The following ARL6IP6 variants were observed in gnomAD, a reference collection of about 807,000 sequenced individuals.
ARL6IP6 encodes ADP-ribosylation factor-like protein 6-interacting protein 6.
In ARL6IP6, 22 loss-of-function variants were observed where a neutral mutation model predicts 21.5. That is an observed-to-expected ratio of 1.02 (90% CI 0.73 to 1.46). The LOEUF is 1.46. ARL6IP6 is among the 40% of genes most tolerant of loss of function. ARL6IP6 has a pLI of 0.00. For synonymous variants in ARL6IP6, 164 were observed against 125.3 expected (o/e 1.31, Z -2.06); for missense variants, 388 against 299.8 (o/e 1.29, Z -2.17).
intron 1 of ARL6IP6, 87 bp downstream of exon 1, chr2:152,719,111 G>C (rs1198522507): frequency 3.6e-6 from 5 of 1,386,562 alleles, no homozygotes; most frequent in Non-Finnish European, 4.7e-6. Flanking sequence ...CCTTTCCCTC[G>C]CGCTAAGCCC....
intron 3 of ARL6IP6, among the ~76,000 whole-genome samples, chr2:152,745,335 C>T (rs1165875941): frequency 1.3e-5 from 2 of 152,150 alleles, no homozygotes; most frequent in Admixed American, 6.5e-5. Flanking sequence ...AAATTTCCAG[C>T]AGCACTCAGT....
At chr2:152,728,275 AC>A (rs1479047695) in intron 2 of ARL6IP6, among the ~76,000 whole-genome samples, 1 of 152,206 alleles carries the variant, frequency 6.6e-6, no homozygotes, top group Non-Finnish European at 1.5e-5. Context: ...GTATACAGTC[AC>A]GTTTAATCCC....
intron 3 of ARL6IP6, among the ~76,000 whole-genome samples, chr2:152,755,362 CCTGACATCCGT>C (rs1701534678): frequency 6.6e-6 from 1 of 152,030 alleles, no homozygotes; most frequent in African/African-American, 2.4e-5. Flanking sequence ...TTGTGGAGGG[CCTGACATCCGT>C]CAGGCCCGCC....
Position 152,723,365 on chromosome 2 carries a change from A to C in ARL6IP6, c.454+2779A>C, listed in dbSNP as rs546656829. ...ATTTATTTTGCCCTGTTTATTAGGA[A>C]CCTCGTAGCCAAATGTAATAATGTT... On this transcript the variant is annotated intron_variant, in intron 2 of 3. Transcript: ENST00000326446. Among the ~76,000 whole-genome samples the C allele has an allele frequency of 9.7e-4, 147 of 152,258 alleles. 1 individual carries two copies. Among genetic ancestry groups the C allele is most frequent in the Non-Finnish European group, 1.8e-3 (120 of 67,990 alleles).
chr2:152,741,727 T>C (rs1700817924), intron 3 of ARL6IP6, among the ~76,000 whole-genome samples: 1 of 152,204 alleles, frequency 6.6e-6, no homozygotes, highest in Non-Finnish European at 1.5e-5. Flanking sequence ...TAGAGAACTT[T>C]GCAAGATATA....
At chr2:152,724,918 G>A (rs1699967939) in intron 2 of ARL6IP6, among the ~76,000 whole-genome samples, 1 of 151,846 alleles carries the variant, frequency 6.6e-6, no homozygotes, top group Non-Finnish European at 1.5e-5. Flanking sequence ...GCAAAAAAAC[G>A]AAGACCCTGG....
At chr2:152,756,025 T>G (rs1217750115) in intron 3 of ARL6IP6, among the ~76,000 whole-genome samples, 1 of 152,220 alleles carries the variant, frequency 6.6e-6, no homozygotes, top group Non-Finnish European at 1.5e-5. Flanking sequence ...AATATTTACC[T>G]CCATTTTATG....
intron 3 of ARL6IP6, among the ~76,000 whole-genome samples, chr2:152,753,376 C>T (rs868352500): frequency 3.8e-4 from 58 of 152,188 alleles, no homozygotes; most frequent in African/African-American, 5.8e-4. Flanking sequence ...CACATACATA[C>T]GCTCAGAAAC....
chr2:152,717,860 G>A, upstream of ARL6IP6: 3 of 1,087,072 alleles, frequency 2.8e-6, no homozygotes, highest in South Asian at 4.9e-5. Context: ...GGTGGAGGGG[G>A]CGGGGGTAAG....
chr2:152,727,595 G>A (rs1700103699), intron 2 of ARL6IP6, among the ~76,000 whole-genome samples: 1 of 152,086 alleles, frequency 6.6e-6, no homozygotes, highest in Non-Finnish European at 1.5e-5. Context: ...CCCTATACAG[G>A]TGTACCATAT....
At position 152,718,715 on chromosome 2, in the gene ARL6IP6, T is replaced by C. The variant is rs747559308; in HGVS notation, c.91T>C (p.Phe31Leu). ...TGTGGCTCGGCCATCGTATTCCTCC[T>C]TTACTCAGGGGGACAGCTGGGGTGA... ...GPVARPSYSS[F>L]TQGDSWGEGE... The change falls in exon 1 of 4, where the codon TTT (phenylalanine) becomes CTT (leucine). Residue 31 changes from phenylalanine to leucine, a missense_variant. By Grantham distance (22) the Phe-to-Leu change is conservative (BLOSUM62 0). Transcript: ENST00000326446. 1 of 1,609,006 alleles carries C rather than the reference T, an allele frequency of 6.2e-7. No homozygotes were observed. Among genetic ancestry groups the C allele is most frequent in the Non-Finnish European group, 8.5e-7 (1 of 1,177,658 alleles).
rs746863004 is a variant in ARL6IP6, at chr2:152,759,745, A to G, written c.588-2A>G. On this transcript the variant is annotated splice_acceptor_variant, in intron 3 of 3. Transcript: ENST00000326446. LOFTEE classifies it high-confidence loss of function. ...TTGATTTGTGTTTTTCTTTTTTTCTAGGAAACTGACTGGACATTCTTTCCA... is the reference window on the plus strand; with the variant it reads ...TTGATTTGTGTTTTTCTTTTTTTCTGGGAAACTGACTGGACATTCTTTCCA... 4 of 1,611,000 alleles carry G rather than the reference A, an allele frequency of 2.5e-6. No individual in the cohort carries two copies. Among genetic ancestry groups the G allele is most frequent in the East Asian group, 2.2e-5 (1 of 44,820 alleles).
rs1428712469 is a variant in ARL6IP6 at position 152,718,775 on chromosome 2, G to C, written c.151G>C (p.Val51Leu). The change falls in exon 1 of 4, where the codon GTG (valine) becomes CTG (leucine). Residue 51 changes from valine to leucine, a missense_variant. Val to Leu is a conservative substitution (Grantham distance 32, BLOSUM62 1). Coordinates refer to ENST00000326446, the MANE Select transcript of ARL6IP6 (RefSeq NM_152522.7). ...CGACGAGGAGGAGGGATGCGACCAA[G>C]TGGCCCGCGACCTGCGGGCGGAGTT... ...EVDEEEGCDQ[V>L]ARDLRAEFSA... The C allele has an allele frequency of 1.2e-6, 2 of 1,608,826 alleles. No individual in the cohort carries two copies. Among genetic ancestry groups the C allele is most frequent in the Non-Finnish European group, 1.7e-6 (2 of 1,177,470 alleles).
Position 152,759,899 on chromosome 2 carries a change from G to A in ARL6IP6, c.*59G>A, listed in dbSNP as rs2105200934. ...AATCATGATTGTTTTGTAATAACAA[G>A]AAGGAGCATCACTGTCTACTCAGAA... is the stretch of plus-strand genomic sequence containing the variant. On this transcript the variant is annotated 3_prime_UTR_variant, in exon 4 of 4. Coordinates refer to ENST00000326446, the MANE Select transcript of ARL6IP6 (RefSeq NM_152522.7). 4.9e-6 allele frequency: 7 copies of A among 1,415,670 alleles called. No homozygotes were observed. Among genetic ancestry groups the A allele is most frequent in the Non-Finnish European group, 7.0e-6 (7 of 1,001,924 alleles). 87.7% of individuals were successfully genotyped at this position (1,415,670 alleles called of 1,614,324 possible).
chr2:152,719,996 C>G, intron 1 of ARL6IP6: 1 of 163,706 alleles, frequency 6.1e-6, no homozygotes, highest in South Asian at 3.4e-5. Flanking sequence ...TTTACCTCTT[C>G]ATAAAATGGT....
intron 3 of ARL6IP6, among the ~76,000 whole-genome samples, chr2:152,744,428 C>T (rs540337700): frequency 1.3e-5 from 2 of 152,132 alleles, no homozygotes; most frequent in African/African-American, 4.8e-5. Context: ...GGTATCTTCT[C>T]TTTAGATATA....
rs1379101175 is a variant in ARL6IP6 at position 152,761,803 on chromosome 2, G to T, written c.*1963G>T. On this transcript the variant is annotated 3_prime_UTR_variant, in exon 4 of 4. Coordinates refer to ENST00000326446, the MANE Select transcript of ARL6IP6 (RefSeq NM_152522.7). ...GTGTGTAGTAGGCTATACCATCTAG[G>T]TTTGTGTAAGTATACTCTGATGTTC... is the stretch of plus-strand genomic sequence containing the variant. 6.6e-6 allele frequency among the ~76,000 whole-genome samples: 1 copy of T among 152,078 alleles called. No individual in the cohort carries two copies. The highest frequency in any genetic ancestry group is 1.9e-4 in the East Asian group (1 of 5,184).
chr2:152,753,203 A>G (rs1349256683), intron 3 of ARL6IP6, among the ~76,000 whole-genome samples: 1 of 152,210 alleles, frequency 6.6e-6, no homozygotes, highest in Admixed American at 6.5e-5. Context: ...TGTAGATATG[A>G]CAGCTCTTTT....
In ARL6IP6 at chr2:152,718,699, G is replaced by A. The variant is rs1477737532; in HGVS notation, c.75G>A (p.Arg25=). The A allele has an allele frequency of 6.3e-7, 1 of 1,598,130 alleles. No homozygotes were observed. The highest frequency in any genetic ancestry group is 8.5e-7 in the Non-Finnish European group (1 of 1,170,716). ...RGPGTPGPVA[R]PSYSSFTQGD... ...CCGGCACCCCGGGCCCTGTGGCTCG[G>A]CCATCGTATTCCTCCTTTACTCAGG... The change falls in exon 1 of 4, where the codon CGG becomes CGA. Residue 25 remains arginine (R), a synonymous_variant. Transcript: ENST00000326446.
Sources: gnomAD v4.1 joint callset for allele counts (sites outside exome capture counted in the v4.1 genomes callset) on GRCh38, gnomAD v4.1.1 for gene constraint, MANE v1.5 for transcripts, NCBI Gene and HGNC (gene_info 2026-07-23, HGNC 2026-07-21) for gene names.